The following COLGALT1 variants were observed in gnomAD, a reference collection of about 807,000 sequenced individuals.
COLGALT1 encodes procollagen galactosyltransferase 1.
Under a neutral mutation model 60.8 loss-of-function variants are expected in COLGALT1, and 43 were observed. That is an observed-to-expected ratio of 0.71 (90% confidence interval 0.55 to 0.91). The LOEUF (loss-of-function observed/expected upper bound fraction) is 0.91, where lower values mean the gene tolerates loss of function less well. COLGALT1 is among the 40% of genes least tolerant of loss of function. COLGALT1 has a pLI of 0.00. For missense variants in COLGALT1, 845 were observed against 880.0 expected, an observed-to-expected ratio of 0.96 and a Z score of 0.50; for synonymous variants, 369 against 374.2, an observed-to-expected ratio of 0.99 and a Z score of 0.16.
Position 17,580,856 on chromosome 19 carries a change from A to T in COLGALT1, c.1552A>T (p.Met518Leu). ...KLLAAEPLSK[M>L]LPVDEFLPVM... is the part of the protein sequence containing the mutation. ...GCTGGCTGCTGAGCCGCTCTCCAAG[A>T]TGCTGCCTGTGGACGAGTTCCTGCC... Residue 518 changes from methionine to leucine, a missense_variant, in exon 11 of 12, where the codon ATG becomes TTG. Met to Leu is a conservative substitution (Grantham distance 15). Coordinates refer to ENST00000252599, the MANE Select transcript of COLGALT1 (RefSeq NM_024656.4). 6 of 1,613,622 alleles carry T rather than the reference A, an allele frequency of 3.7e-6. No homozygotes were observed. The highest frequency in any genetic ancestry group is 5.1e-6 in the Non-Finnish European group (6 of 1,179,968).
At chr19:17,575,137 C>T (rs8104621) in intron 6 of COLGALT1, among the ~76,000 whole-genome samples, 85,558 of 152,116 alleles carry the variant, frequency 0.56, 24,979 homozygotes, top group Middle Eastern at 0.69. Flanking sequence ...CTGCAACCTC[C>T]GCCTCCCAGG....
At chr19:17,564,524 T>C (rs967543766) in intron 3 of COLGALT1, among the ~76,000 whole-genome samples, 1 of 151,048 alleles carries the variant, frequency 6.6e-6, no homozygotes, top group African/African-American at 2.4e-5. Flanking sequence ...TCAAGCAATT[T>C]TCCTGCCTCA....
chr19:17,579,566 C>T lies in COLGALT1; in HGVS notation c.1351C>T (p.Leu451Phe). The change falls in exon 10 of 12, where the codon CTC becomes TTC. Residue 451 changes from leucine to phenylalanine, a missense_variant. Coordinates refer to ENST00000252599, the MANE Select transcript of COLGALT1 (RefSeq NM_024656.4). ...EIFFKRRLMN[L>F]MRDVEREGLD... ...CTTCTTCAAGAGACGTCTGATGAAC[C>T]TCATGCGGGATGTGGAGCGGGAGGG... 6.2e-7 allele frequency: 1 copy of T among 1,613,154 alleles called. No individual in the cohort carries two copies. The highest frequency in any genetic ancestry group is 8.5e-7 in the Non-Finnish European group (1 of 1,179,632).
intron 1 of COLGALT1, among the ~76,000 whole-genome samples, chr19:17,558,543 T>C (rs1264818974): frequency 6.6e-6 from 1 of 150,900 alleles, no homozygotes; most frequent in Non-Finnish European, 1.5e-5. Context: ...CTGGGCATGG[T>C]GGTGGGCACC....
At chr19:17,556,111 C>G in intron 1 of COLGALT1, 138 bp downstream of exon 1, 1 of 994,664 alleles carries the variant, frequency 1.0e-6, no homozygotes, top group Non-Finnish European at 1.3e-6. Context: ...TCGCTACCCC[C>G]ATCGGGACGG....
rs1195791824 is a variant in COLGALT1, at chr19:17,559,397, A to C, written c.347A>C (p.Glu116Ala). Residue 116 changes from glutamate to alanine, a missense_variant, in exon 2 of 12, where the codon GAG (glutamate) becomes GCG (alanine). Physicochemically the swap from Glu to Ala is moderately radical, Grantham distance 107. Transcript: ENST00000252599. ...VAVKSLYHSV[E>A]WRPAEEPRSY... ...GTGAAGAGTTTGTACCATTCCGTGG[A>C]GTGGCGGCCAGCAGAGGAGCCCAGG... The C allele has an allele frequency of 6.4e-7, 1 of 1,551,716 alleles. No homozygotes were observed. Among genetic ancestry groups the C allele is most frequent in the Non-Finnish European group, 8.7e-7 (1 of 1,147,128 alleles).
At chr19:17,556,788 C>T (rs1466849276) in intron 1 of COLGALT1, 1 of 152,300 alleles carries the variant, frequency 6.6e-6, no homozygotes, top group African/African-American at 2.4e-5. Context: ...TGGTGTGTGC[C>T]TGTAGTCCCA....
intron 3 of COLGALT1, among the ~76,000 whole-genome samples, chr19:17,563,195 T>TC (rs1348197020): frequency 6.8e-6 from 1 of 147,034 alleles, no homozygotes; most frequent in Non-Finnish European, 1.5e-5. Flanking sequence ...TTCTTTTTTT[T>TC]TTTTTTTTTT....
At chr19:17,580,648 G>A in intron 10 of COLGALT1, 51 bp from the exon 11 acceptor site, 1 of 1,586,002 alleles carries the variant, frequency 6.3e-7, no homozygotes, top group Non-Finnish European at 8.6e-7. Context: ...TTCTGGGCAA[G>A]CTCCCTCCGG....
intron 4 of COLGALT1, among the ~76,000 whole-genome samples, chr19:17,568,249 T>C (rs1230307976): frequency 2.0e-5 from 3 of 152,106 alleles, no homozygotes; most frequent in Admixed American, 6.5e-5. Flanking sequence ...CCATCATCCA[T>C]TCTGATTGGG....
chr19:17,568,966 T>C (rs981446062), intron 5 of COLGALT1, among the ~76,000 whole-genome samples: 1 of 152,306 alleles, frequency 6.6e-6, no homozygotes, highest in South Asian at 2.1e-4. Context: ...GAGTGGCTTA[T>C]GCCTGTAATC....
rs146271097 is a variant in COLGALT1, at chr19:17,560,129, G to A, written c.372-219G>A. Among the ~76,000 whole-genome samples, 871 of 152,070 alleles carry A rather than the reference G, an allele frequency of 5.7e-3. 7 individuals are homozygous for A. Among genetic ancestry groups the A allele is most frequent in the South Asian group, 0.013 (64 of 4,824 alleles). On this transcript the variant is annotated intron_variant, in intron 2 of 11. Coordinates refer to ENST00000252599, the MANE Select transcript of COLGALT1 (RefSeq NM_024656.4). ...TCCTTCCTTCCCTCCAGTGTGCCTCGGGCTTTCTTCCCTCCAGGCCTTTGC... is the reference window on the plus strand; with the variant it reads ...TCCTTCCTTCCCTCCAGTGTGCCTCAGGCTTTCTTCCCTCCAGGCCTTTGC...
In COLGALT1 at chr19:17,572,475, C is replaced by T. The variant is rs2076318531; in HGVS notation, c.830-8C>T. ...TACATTTGTCTGTTGCTTCCCTGCC[C>T]ACTGCAGAGGTTCAGATGTATGTGT... On this transcript the variant is annotated splice_polypyrimidine_tract_variant and splice_region_variant and intron_variant, in intron 5 of 11. Coordinates refer to ENST00000252599, the MANE Select transcript of COLGALT1 (RefSeq NM_024656.4). The T allele has an allele frequency of 1.9e-6, 3 of 1,614,086 alleles. No individual in the cohort carries two copies. The highest frequency in any genetic ancestry group is 1.3e-5 in the African/African-American group (1 of 75,058).
intron 1 of COLGALT1, among the ~76,000 whole-genome samples, chr19:17,558,642 C>T (rs913726545): frequency 1.2e-4 from 18 of 151,884 alleles, no homozygotes; most frequent in African/African-American, 4.1e-4. Context: ...TGTGCCACTG[C>T]ACTCTAGCCT....
chr19:17,577,211 A>C lies in COLGALT1; in HGVS notation c.966A>C (p.Ala322=). Residue 322 remains alanine, a synonymous_variant, in exon 7 of 12, where the codon GCA becomes GCC. Coordinates refer to ENST00000252599, the MANE Select transcript of COLGALT1 (RefSeq NM_024656.4). ...GCCCCACAGTGAAGCACCCGCCCGC[A>C]GAGCCCTCCCGCTTCATCTCGGCTC... ...QLEVMVKHPP[A]EPSRFISAPT... is the part of the protein sequence containing the mutation. The C allele has an allele frequency of 6.2e-7, 1 of 1,612,906 alleles. No individual in the cohort carries two copies. The highest frequency in any genetic ancestry group is 8.5e-7 in the Non-Finnish European group (1 of 1,179,610).
intron 1 of COLGALT1, among the ~76,000 whole-genome samples, chr19:17,558,671 C>CT (rs2076229498): frequency 6.6e-6 from 1 of 151,412 alleles, no homozygotes; most frequent in Non-Finnish European, 1.5e-5. Context: ...GAGCAAGACT[C>CT]TGTCTCAAAA....
chr19:17,568,579 C>A lies in COLGALT1; in HGVS notation c.695C>A (p.Pro232His), dbSNP rs757819968. Reference sequence around the variant, plus strand: ...GACCGCCGGGGCTGCTTTGCAGTTCCCATGGTGCACTCGACCTTCCTGATC... The same window carrying A: ...GACCGCCGGGGCTGCTTTGCAGTTCACATGGTGCACTCGACCTTCCTGATC... ...KRDRRGCFAV[P>H]MVHSTFLIDL... The change falls in exon 5 of 12, where the codon CCC becomes CAC. Residue 232 changes from proline (P) to histidine (H), a missense_variant. Transcript: ENST00000252599. 1 of 1,614,210 alleles carries A rather than the reference C, an allele frequency of 6.2e-7. No individual in the cohort carries two copies. The highest frequency in any genetic ancestry group is 1.1e-5 in the South Asian group (1 of 91,084).
In COLGALT1 at chr19:17,572,512, G is replaced by C. The variant is rs2076318906; in HGVS notation, c.859G>C (p.Glu287Gln). ...EVQMYVCNKE[E>Q]YGFLPVPLRA... ...TCAGATGTATGTGTGCAACAAGGAG[G>C]AGTACGGATTCTTGCCAGTGCCATT... Residue 287 changes from glutamate to glutamine, a missense_variant, in exon 6 of 12, where the codon GAG (glutamate) becomes CAG (glutamine). Coordinates refer to ENST00000252599, the MANE Select transcript of COLGALT1 (RefSeq NM_024656.4). 1 of 1,614,046 alleles carries C rather than the reference G, an allele frequency of 6.2e-7. No homozygotes were observed. The highest frequency in any genetic ancestry group is 8.5e-7 in the Non-Finnish European group (1 of 1,180,038).
intron 3 of COLGALT1, among the ~76,000 whole-genome samples, chr19:17,561,712 C>T (rs983198415): frequency 6.7e-6 from 1 of 148,916 alleles, no homozygotes; most frequent in African/African-American, 2.5e-5. Context: ...ACTTATGGAG[C>T]ACAAGTGTAA....
Sources: gnomAD v4.1 joint callset for allele counts (sites outside exome capture counted in the v4.1 genomes callset) on GRCh38, gnomAD v4.1.1 for gene constraint, MANE v1.5 for transcripts, NCBI Gene and HGNC (gene_info 2026-07-23, HGNC 2026-07-21) for gene names.